The following NOL4L variants were observed in gnomAD, a reference collection of about 807,000 sequenced individuals.
NOL4L encodes nucleolar protein 4 like.
NOL4L carries 7 observed loss-of-function variants against 64.5 expected under a neutral mutation model. That is an observed-to-expected ratio of 0.11 (90% confidence interval 0.06 to 0.20). The LOEUF (loss-of-function observed/expected upper bound fraction) is 0.20. Among genes scored for constraint, NOL4L ranks in the 10% least tolerant of loss-of-function variants. The pLI is 1.00. For missense variants in NOL4L, 680 were observed against 967.1 expected (o/e 0.70, Z 3.94); for synonymous variants, 413 against 401.0 (o/e 1.03, Z -0.36).
rs758581372 is a variant in NOL4L at position 32,453,542 on chromosome 20, C to T, written c.1305+34G>A. The T allele has an allele frequency of 6.2e-7, 1 of 1,613,604 alleles. No individual in the cohort carries two copies. The highest frequency in any genetic ancestry group is 8.5e-7 in the Non-Finnish European group (1 of 1,179,484). On this transcript the variant is annotated intron_variant, in intron 7 of 10. Transcript: ENST00000621426. This position sits in a 1 kb window ranked among gnomAD's most constrained non-coding sequence, Gnocchi z 5.6. ...GAAGGGCTGGCCCTGGCCTTGCCCCCATCCCACCCCACCTGTTTCCGGCCG... is the reference window on the plus strand; with the variant it reads ...GAAGGGCTGGCCCTGGCCTTGCCCCTATCCCACCCCACCTGTTTCCGGCCG...
At position 32,584,816 on chromosome 20, in the gene NOL4L, G is replaced by A; in HGVS notation, c.75C>T (p.Arg25=). ...ERSPGDSELG[R]QFRDWCLRTY... ...TGCGCAAGCACCAGTCCCGGAACTG[G>A]CGGCCCAGCTCCGAGTCCCCGGGGC... The change falls in exon 1 of 11, where the codon CGC becomes CGT. Residue 25 remains arginine (R), a synonymous_variant. Transcript: ENST00000621426. 14 of 1,527,922 alleles carry A rather than the reference G, an allele frequency of 9.2e-6. No individual in the cohort carries two copies. Among genetic ancestry groups the A allele is most frequent in the Non-Finnish European group, 1.2e-5 (14 of 1,141,388 alleles). 94.6% of individuals were successfully genotyped at this position (1,527,922 alleles called of 1,614,324 possible). A position where few individuals can be genotyped will look rare whatever the true frequency, so the allele number is the denominator to read the frequency against.
At chr20:32,482,447 C>G (rs2015790725) in intron 4 of NOL4L, among the ~76,000 whole-genome samples, 1 of 152,170 alleles carries the variant, frequency 6.6e-6, no homozygotes, top group Non-Finnish European at 1.5e-5. Context: ...AGCAGGGTCA[C>G]TTCTGCTCCC....
At position 32,584,576 on chromosome 20, in the gene NOL4L, C is replaced by G. The variant is rs1980773341; in HGVS notation, c.315G>C (p.Thr105=). ...CCGCCGCGCGCGCACTCACCGAGCC[C>G]GTCTTGACCGGCACATACACCACTT... ...MGQVVYVPVK[T]GSGADGLSEP... Residue 105 remains threonine, a synonymous_variant, in exon 1 of 11, where the codon ACG becomes ACC. Transcript: ENST00000621426. 1 of 1,433,218 alleles carries G rather than the reference C, an allele frequency of 7.0e-7. No homozygotes were observed. The highest frequency in any genetic ancestry group is 9.3e-7 in the Non-Finnish European group (1 of 1,079,594). The allele number at this position is 1,433,218 out of a possible 1,614,324, so 88.8% of individuals were successfully genotyped here.
At chr20:32,577,206 G>A (rs966782095) in intron 1 of NOL4L, among the ~76,000 whole-genome samples, 1 of 152,192 alleles carries the variant, frequency 6.6e-6, no homozygotes, top group Non-Finnish European at 1.5e-5. Context: ...CAGTCATTAC[G>A]CCAGCCATTG....
chr20:32,478,248 C>CAT (rs2015515817), intron 4 of NOL4L, among the ~76,000 whole-genome samples: 3 of 125,632 alleles, frequency 2.4e-5, no homozygotes, highest in Non-Finnish European at 5.1e-5. Context: ...TATTTACACA[C>CAT]ACACACACAC....
intron 5 of NOL4L, among the ~76,000 whole-genome samples, chr20:32,468,079 GGCC>G (rs2014703548): frequency 6.6e-6 from 1 of 152,160 alleles, no homozygotes; most frequent in Non-Finnish European, 1.5e-5. Flanking sequence ...CAGGATGAGG[GGCC>G]ACAGCCCCCA....
intron 1 of NOL4L, among the ~76,000 whole-genome samples, chr20:32,552,137 CA>C (rs893671317): frequency 2.0e-5 from 3 of 151,658 alleles, no homozygotes; most frequent in African/African-American, 7.3e-5. Flanking sequence ...AATTATATCT[CA>C]AAAAAATGCT....
chr20:32,547,009 G>C (rs2018741876), intron 1 of NOL4L, among the ~76,000 whole-genome samples: 1 of 152,210 alleles, frequency 6.6e-6, no homozygotes, highest in African/African-American at 2.4e-5. Flanking sequence ...TTTCAGAGGG[G>C]CTTGATTTTC....
At chr20:32,465,145 G>C in intron 5 of NOL4L, 1 of 489,540 alleles carries the variant, frequency 2.0e-6, no homozygotes, top group Non-Finnish European at 3.7e-6. Context: ...CTTCAGTGGA[G>C]GGGGAGGTGG....
intron 4 of NOL4L, among the ~76,000 whole-genome samples, chr20:32,506,390 G>A (rs549485501): frequency 3.3e-5 from 5 of 151,986 alleles, no homozygotes; most frequent in East Asian, 1.9e-4. Flanking sequence ...GGCCCGGCAC[G>A]GTGGCTCACA....
Position 32,445,982 on chromosome 20 carries a change from G to A in NOL4L, c.*1614C>T, listed in dbSNP as rs1331781400. ...TGGTTTGGGAAGGGGTGCCTGTTCT[G>A]GGAGCGAGTGGCTCTCCGTGGCCAT... is the stretch of plus-strand genomic sequence containing the variant. On this transcript the variant is annotated 3_prime_UTR_variant, in exon 11 of 11. Coordinates refer to ENST00000621426, the MANE Select transcript of NOL4L (RefSeq NM_001256798.2). The A allele has an allele frequency of 6.6e-6, 1 of 152,238 alleles. No individual in the cohort carries two copies. The highest frequency in any genetic ancestry group is 2.4e-5 in the African/African-American group (1 of 41,440). The allele number at this position is 152,238 out of a possible 1,614,324, so 9.4% of individuals were successfully genotyped here.
intron 4 of NOL4L, among the ~76,000 whole-genome samples, chr20:32,490,337 C>T (rs374619264): frequency 6.6e-6 from 1 of 151,856 alleles, no homozygotes; most frequent in Non-Finnish European, 1.5e-5. Context: ...AGATGTTTCT[C>T]CTGGGGGACT....
chr20:32,583,540 G>A (rs1025354113), intron 1 of NOL4L, among the ~76,000 whole-genome samples: 1 of 149,836 alleles, frequency 6.7e-6, no homozygotes, highest in African/African-American at 2.4e-5. Context: ...GGAGCAAGGA[G>A]GGCGGGGGGA....
intron 4 of NOL4L, among the ~76,000 whole-genome samples, chr20:32,489,608 A>G (rs912168880): frequency 6.6e-6 from 1 of 152,160 alleles, no homozygotes; most frequent in Non-Finnish European, 1.5e-5. Flanking sequence ...GATTTGTATT[A>G]TATTCTGTTG....
At chr20:32,537,666 T>A (rs1445200125) in intron 1 of NOL4L, among the ~76,000 whole-genome samples, 1 of 152,056 alleles carries the variant, frequency 6.6e-6, no homozygotes, top group Non-Finnish European at 1.5e-5. Context: ...CTTCCTTTCC[T>A]CAGTTCAGCC....
intron 1 of NOL4L, among the ~76,000 whole-genome samples, chr20:32,538,548 C>T (rs1427695552): frequency 6.7e-6 from 1 of 148,572 alleles, no homozygotes; most frequent in Non-Finnish European, 1.5e-5. Context: ...CAGCTGAGAA[C>T]CCAGCGTTCC....
At chr20:32,487,600 G>A (rs1190877722) in intron 4 of NOL4L, among the ~76,000 whole-genome samples, 2 of 152,164 alleles carry the variant, frequency 1.3e-5, no homozygotes, top group African/African-American at 4.8e-5. Context: ...TGGGCCAGGG[G>A]GAGGGCAGGA....
intron 1 of NOL4L, among the ~76,000 whole-genome samples, chr20:32,540,034 C>T (rs1223039024): frequency 6.6e-6 from 1 of 152,246 alleles, no homozygotes; most frequent in Non-Finnish European, 1.5e-5. Flanking sequence ...GTGCACAGAG[C>T]AGTCTCTGGT....
chr20:32,568,335 C>T (rs561454296), intron 1 of NOL4L, among the ~76,000 whole-genome samples: 20 of 152,308 alleles, frequency 1.3e-4, no homozygotes, highest in African/African-American at 4.6e-4. Context: ...GAATGATGAA[C>T]AGTTCTTTGT....
Sources: allele counts gnomAD v4.1 joint callset (sites outside exome capture counted in the v4.1 genomes callset), GRCh38; gene constraint gnomAD v4.1.1; non-coding constraint Gnocchi (gnomAD v3.1); transcripts MANE v1.5; gene names NCBI Gene and HGNC (gene_info 2026-07-23, HGNC 2026-07-21).